LPIN3: variants seen among roughly 807,000 people sequenced by gnomAD.
LPIN3 encodes the protein lipin 3.
In LPIN3, 82 loss-of-function variants were observed where a neutral mutation model predicts 94.7. The observed-to-expected ratio is 0.87, with a 90% CI of 0.72 to 1.04. The LOEUF (loss-of-function observed/expected upper bound fraction) is 1.04. LPIN3 is among the 50% of genes least tolerant of loss of function. The pLI is 0.00. For synonymous variants in LPIN3, 418 were observed against 443.3 expected, an observed-to-expected ratio of 0.94 and a Z score of 0.72; for missense variants, 996 against 1,090.5, an observed-to-expected ratio of 0.91 and a Z score of 1.22.
intron 14 of LPIN3, among the ~76,000 whole-genome samples, chr20:41,356,346 A>G (rs1408692247): frequency 6.6e-6 from 1 of 152,182 alleles, no homozygotes; most frequent in South Asian, 2.1e-4. Flanking sequence ...AAAGAATCAA[A>G]TGCTAATGAC....
At chr20:41,345,595 C>T (rs1017383355) in intron 1 of LPIN3, among the ~76,000 whole-genome samples, 22 of 152,256 alleles carry the variant, frequency 1.4e-4, no homozygotes, top group African/African-American at 4.8e-4. Flanking sequence ...CCAAGGGTCC[C>T]TTAGCAGGGC....
rs200643159 is a variant in LPIN3 at position 41,352,883 on chromosome 20, C to T, written c.1527+16C>T. The T allele has an allele frequency of 2.2e-5, 35 of 1,613,456 alleles. No individual in the cohort carries two copies. The highest frequency in any genetic ancestry group is 2.2e-5 in the Non-Finnish European group (26 of 1,179,482). Reference sequence around the variant, plus strand: ...CTTGCCCAAGGTAATGGTTAGAGCACCACTGCCCCTGCTGGGGAAGGTAGC... The same window carrying T: ...CTTGCCCAAGGTAATGGTTAGAGCATCACTGCCCCTGCTGGGGAAGGTAGC... On this transcript the variant is annotated intron_variant, in intron 11 of 19. Coordinates refer to ENST00000373257, the MANE Select transcript of LPIN3 (RefSeq NM_022896.3).
intron 8 of LPIN3, 60 bp from the exon 9 acceptor site, chr20:41,352,000 G>A: frequency 6.2e-7 from 1 of 1,612,904 alleles, no homozygotes; most frequent in South Asian, 1.1e-5. Context: ...CCTGTGAGGA[G>A]GGAGGACCCA....
Position 41,349,890 on chromosome 20 carries a change from C to T in LPIN3, c.755C>T (p.Pro252Leu). The change falls in exon 6 of 20, where the codon CCT becomes CTT. Residue 252 changes from proline (P) to leucine (L), a missense_variant. Physicochemically the swap from Pro to Leu is moderately conservative, Grantham distance 98. Transcript: ENST00000373257. ...ATGCAGTGGGCCTGGGGGAGGCTGC[C>T]TAAGGTGAGTCCCTCTGTATCAACC... ...SHMQWAWGRL[P>L]KVARAERPES... 1.2e-6 allele frequency: 2 copies of T among 1,612,328 alleles called. No homozygotes were observed. The highest frequency in any genetic ancestry group is 1.1e-5 in the South Asian group (1 of 90,894).
intron 2 of LPIN3, among the ~76,000 whole-genome samples, 164 bp from the exon 3 acceptor site, chr20:41,347,388 C>T (rs1035355107): frequency 2.0e-5 from 3 of 152,132 alleles, no homozygotes; most frequent in Non-Finnish European, 4.4e-5. Flanking sequence ...CAGCAGAGCC[C>T]CCCTTCGTGG....
At chr20:41,357,219 G>A in intron 15 of LPIN3, 31 bp downstream of exon 15, 1 of 1,612,898 alleles carries the variant, frequency 6.2e-7, no homozygotes, top group Non-Finnish European at 8.5e-7. Context: ...GGAAGGGGAG[G>A]GAGAGGGGTT....
At position 41,358,479 on chromosome 20, in the gene LPIN3, G is replaced by C. The variant is rs751013423; in HGVS notation, c.2348G>C (p.Arg783Pro). 6.2e-7 allele frequency: 1 copy of C among 1,614,070 alleles called. No homozygotes were observed. The highest frequency in any genetic ancestry group is 8.5e-7 in the Non-Finnish European group (1 of 1,180,026). The stretch of plus-strand genomic sequence containing the variant: ...CGGCAGGTGGGCCTGCCTGAGTCAC[G>C]CATCTTCACAGTCAACCCCCGGGGA... ...AYRQVGLPES[R>P]IFTVNPRGEL... is the part of the protein sequence containing the mutation. Residue 783 changes from arginine (R) to proline (P), a missense_variant, in exon 19 of 20, where the codon CGC becomes CCC. Physicochemically the swap from Arg to Pro is moderately radical, Grantham distance 103. Transcript: ENST00000373257.
chr20:41,357,756 G>A (rs2046263984), intron 16 of LPIN3, 126 bp from the exon 17 acceptor site: 3 of 1,300,438 alleles, frequency 2.3e-6, no homozygotes, highest in Non-Finnish European at 3.2e-6. Context: ...TTCTCTTCAA[G>A]TCCCCTCCCT....
chr20:41,356,155 C>T (rs1186282233), intron 14 of LPIN3, 121 bp downstream of exon 14: 2 of 1,425,414 alleles, frequency 1.4e-6, no homozygotes, highest in East Asian at 2.3e-5. Flanking sequence ...AGGCCAGAAT[C>T]TATCCCCTTG....
chr20:41,347,433 A>T, intron 2 of LPIN3, 119 bp from the exon 3 acceptor site: 2 of 889,778 alleles, frequency 2.2e-6, no homozygotes, highest in Non-Finnish European at 3.6e-6. Context: ...GGAGGGAGGG[A>T]ACCCCAGCAA....
rs1275783442 is a variant in LPIN3 at position 41,352,843 on chromosome 20, A to G, written c.1503A>G (p.Gln501=). 1 of 1,614,218 alleles carries G rather than the reference A, an allele frequency of 6.2e-7. No individual in the cohort carries two copies. The highest frequency in any genetic ancestry group is 8.5e-7 in the Non-Finnish European group (1 of 1,180,038). Residue 501 remains glutamine, a synonymous_variant, in exon 11 of 20, where the codon CAA becomes CAG. Transcript: ENST00000373257. ...CTGCCCCCATGATCCTCTCCCTGCA[A>G]GCCTTCCAGAAAAACTTGCCCAAGG... is the stretch of plus-strand genomic sequence containing the variant. ...AVAAPMILSL[Q]AFQKNLPKST... is the part of the protein sequence containing the mutation.
In LPIN3 at chr20:41,352,059, G is replaced by A. The variant is rs767818467; in HGVS notation, c.1203-1G>A. 2 of 1,614,200 alleles carry A rather than the reference G, an allele frequency of 1.2e-6. No homozygotes were observed. The highest frequency in any genetic ancestry group is 8.5e-7 in the Non-Finnish European group (1 of 1,180,052). Reference sequence around the variant, plus strand: ...GTCATTGTTGGCCCCTTTGCCTGCAGTGACTCTGGGCTGGGGGCCAGAAGA... The same window carrying A: ...GTCATTGTTGGCCCCTTTGCCTGCAATGACTCTGGGCTGGGGGCCAGAAGA... On this transcript the variant is annotated splice_acceptor_variant, in intron 8 of 19. Coordinates refer to ENST00000373257, the MANE Select transcript of LPIN3 (RefSeq NM_022896.3). LOFTEE classifies it high-confidence loss of function.
chr20:41,355,982 C>T lies in LPIN3; in HGVS notation c.1751C>T (p.Pro584Leu), dbSNP rs778646139. The change falls in exon 14 of 20, where the codon CCA becomes CTA. Residue 584 changes from proline (P) to leucine (L), a missense_variant. Pro to Leu is a moderately conservative substitution (Grantham distance 98). Transcript: ENST00000373257. ...LEIPSLPPSTPPSTPTYKKSL... is the reference protein window; with the variant it reads ...LEIPSLPPSTLPSTPTYKKSL... ...ATCCCCTCCTTGCCACCCTCCACTC[C>T]ACCCTCCACTCCTACCTACAAGAAG... 6.8e-6 allele frequency: 11 copies of T among 1,614,032 alleles called. No homozygotes were observed. The East Asian group carries it at 2.2e-4, about 33-fold the overall frequency.
Position 41,351,892 on chromosome 20 carries a change from G to C in LPIN3, c.1174G>C (p.Glu392Gln), listed in dbSNP as rs750163513. 2.5e-6 allele frequency: 4 copies of C among 1,614,108 alleles called. No individual in the cohort carries two copies. In the East Asian group the frequency reaches 8.9e-5, roughly 36 times the overall value. The change falls in exon 8 of 20, where the codon GAG (glutamate) becomes CAG (glutamine). Residue 392 changes from glutamate to glutamine, a missense_variant. Coordinates refer to ENST00000373257, the MANE Select transcript of LPIN3 (RefSeq NM_022896.3). ...GGATGACTTGCCCTCCCTGGACTCTGAGAATGCAGCGCTTTACTTCCCCCA... is the reference window on the plus strand; with the variant it reads ...GGATGACTTGCCCTCCCTGGACTCTCAGAATGCAGCGCTTTACTTCCCCCA... ...YLDDLPSLDS[E>Q]NAALYFPQSD... is the part of the protein sequence containing the mutation.
At chr20:41,358,190 C>T in intron 17 of LPIN3, 47 bp from the exon 18 acceptor site, 1 of 1,600,946 alleles carries the variant, frequency 6.2e-7, no homozygotes, top group Non-Finnish European at 8.5e-7. Context: ...CCTCTGGCTT[C>T]TTCCCTACTT....
At chr20:41,354,576 CAAGAA>C (rs2046140600) in intron 11 of LPIN3, 64 bp from the exon 12 acceptor site, 3 of 1,458,378 alleles carry the variant, frequency 2.1e-6, no homozygotes, top group South Asian at 2.8e-5. Flanking sequence ...TGGAGGGTCC[CAAGAA>C]CAACGTAAGG....
intron 2 of LPIN3, among the ~76,000 whole-genome samples, chr20:41,346,536 T>C (rs2045783911): frequency 6.6e-6 from 1 of 151,512 alleles, no homozygotes; most frequent in Non-Finnish European, 1.5e-5. Context: ...AGGTCAGGAG[T>C]TTGAGACCAG....
chr20:41,347,000 C>G (rs74466149), intron 2 of LPIN3, among the ~76,000 whole-genome samples: 2,011 of 152,256 alleles, frequency 0.013, 20 homozygotes, highest in Middle Eastern at 0.037. Context: ...AGGCTGCCTC[C>G]TAACCAATTA....
In LPIN3 at chr20:41,352,161, T is replaced by G. The variant is rs1439138619; in HGVS notation, c.1304T>G (p.Val435Gly). 6.2e-7 allele frequency: 1 copy of G among 1,614,182 alleles called. No homozygotes were observed. The highest frequency in any genetic ancestry group is 1.3e-5 in the African/African-American group (1 of 75,046). Residue 435 changes from valine to glycine, a missense_variant, in exon 9 of 20, where the codon GTG (valine) becomes GGG (glycine). Coordinates refer to ENST00000373257, the MANE Select transcript of LPIN3 (RefSeq NM_022896.3). ...EHEPEPTLDT[V>G]DTIALSLCGG... ...GAACCTGAACCCACTCTGGACACAGTGGATACAATAGCACTGTCCCTCTGT... is the reference window on the plus strand; with the variant it reads ...GAACCTGAACCCACTCTGGACACAGGGGATACAATAGCACTGTCCCTCTGT...
Sources: allele counts gnomAD v4.1 joint callset (sites outside exome capture counted in the v4.1 genomes callset), GRCh38; gene constraint gnomAD v4.1.1; transcripts MANE v1.5; gene names NCBI Gene and HGNC (gene_info 2026-07-23, HGNC 2026-07-21).